The following EDA variants were observed in gnomAD, a reference collection of about 807,000 sequenced individuals.
The protein encoded by EDA is ectodysplasin A.
Under a neutral mutation model 23.6 loss-of-function variants are expected in EDA, and 2 were observed. The observed-to-expected ratio is 0.08, with a 90% CI of 0.03 to 0.27. EDA has a LOEUF of 0.27. Ranked by LOEUF, EDA falls within the 10% of genes least tolerant of loss-of-function variation. The pLI, the probability that EDA is intolerant of heterozygous loss-of-function variation, is 1.00. For missense variants in EDA, 229 were observed against 324.2 expected, an observed-to-expected ratio of 0.71 and a Z score of 2.26; for synonymous variants, 131 against 132.0, an observed-to-expected ratio of 0.99 and a Z score of 0.05.
chrX:69,940,852 TA>T (rs1283325657), intron 1 of EDA, among the ~76,000 whole-genome samples: 2 of 111,967 alleles, frequency 1.8e-5, no homozygotes, highest in Admixed American at 1.9e-4. Context: ...TTCTTTAAGA[TA>T]CATCATTAGG....
chrX:69,929,510 T>C (rs990282318), intron 1 of EDA, among the ~76,000 whole-genome samples: 2 of 109,618 alleles, frequency 1.8e-5, no homozygotes, highest in Non-Finnish European at 3.8e-5. Flanking sequence ...TAGTACCTGA[T>C]TGACATGATT....
chrX:69,935,823 G>A (rs1179828147), intron 1 of EDA, among the ~76,000 whole-genome samples: 43 of 109,274 alleles, frequency 3.9e-4, no homozygotes, highest in African/African-American at 1.4e-3. Context: ...ATGTAAAATA[G>A]ATTGCAAAGA....
intron 2 of EDA, among the ~76,000 whole-genome samples, chrX:70,006,900 G>T (rs373627389): frequency 9.0e-6 from 1 of 110,712 alleles, no homozygotes; most frequent in Non-Finnish European, 1.9e-5. Context: ...TTATGGTTTT[G>T]TGCTTTGCAT....
In EDA at chrX:69,616,217, G is replaced by A; in HGVS notation, c.-92G>A. ...CGGGTCCCTGCAGCCCCCAGCCGAT[G>A]GCAGGACAGTAGCCGCCTGTCAGAG... is the stretch of plus-strand genomic sequence containing the variant. On this transcript the variant is annotated 5_prime_UTR_variant, in exon 1 of 8. It removes an upstream start codon present in the reference 5' UTR. Coordinates refer to ENST00000374552, the MANE Select transcript of EDA (RefSeq NM_001399.5). 3 of 1,070,670 alleles carry A rather than the reference G, an allele frequency of 2.8e-6. No individual in the cohort carries two copies. Among genetic ancestry groups the A allele is most frequent in the Non-Finnish European group, 3.7e-6 (3 of 801,578 alleles). 88.2% of individuals were successfully genotyped at this position (1,070,670 alleles called of 1,213,427 possible). A position where few individuals can be genotyped will look rare whatever the true frequency, so the allele number is the denominator to read the frequency against.
intron 1 of EDA, among the ~76,000 whole-genome samples, chrX:69,880,214 G>A (rs141223170): frequency 0.011 from 1,202 of 111,156 alleles, 15 homozygotes; most frequent in African/African-American, 0.038. Flanking sequence ...TGAACAGTCA[G>A]GTTGGCAAGG....
intron 2 of EDA, among the ~76,000 whole-genome samples, chrX:70,022,053 T>C (rs1291945731): frequency 9.0e-6 from 1 of 111,373 alleles, no homozygotes; most frequent in Admixed American, 9.6e-5. Flanking sequence ...TCATGGCAGT[T>C]TGGAACAGAT....
chrX:69,655,491 T>C (rs2147248355), intron 1 of EDA, among the ~76,000 whole-genome samples: 1 of 98,993 alleles, frequency 1.0e-5, no homozygotes, highest in Non-Finnish European at 2.0e-5. Flanking sequence ...GAAGGTATCA[T>C]TACCTTCTTT....
intron 1 of EDA, among the ~76,000 whole-genome samples, chrX:69,827,716 C>T (rs377164674): frequency 9.8e-5 from 11 of 112,352 alleles, no homozygotes; most frequent in African/African-American, 2.6e-4. Flanking sequence ...AGTCATTCAA[C>T]GTCCAGCTTT....
rs191460188 is a variant in EDA at position 70,020,638 on chromosome X, T to C, written c.503-2580T>C. Among the ~76,000 whole-genome samples, 3 of 112,452 alleles carry C rather than the reference T, an allele frequency of 2.7e-5. No individual in the cohort carries two copies. The Admixed American group carries it at 2.8e-4, about 11-fold the overall frequency. ...TTTATAAATGTACATATAAATTGTT[T>C]ATAAAATGTACATATAAATTGCTTA... On this transcript the variant is annotated intron_variant, in intron 2 of 7. Transcript: ENST00000374552.
At chrX:69,833,352 G>C (rs141285995) in intron 1 of EDA, among the ~76,000 whole-genome samples, 2 of 111,527 alleles carry the variant, frequency 1.8e-5, no homozygotes, top group Non-Finnish European at 3.8e-5. Flanking sequence ...ATTGATTTGC[G>C]TATGTTGAAC....
At chrX:69,657,590 G>A (rs1329457996) in intron 1 of EDA, among the ~76,000 whole-genome samples, 1 of 111,928 alleles carries the variant, frequency 8.9e-6, no homozygotes, top group Non-Finnish European at 1.9e-5. Flanking sequence ...TTTTCTTCTA[G>A]GATTTTATAG....
At chrX:70,028,135 G>A in intron 4 of EDA, 99 bp downstream of exon 4, 2 of 1,137,040 alleles carry the variant, frequency 1.8e-6, no homozygotes, top group Admixed American at 5.7e-5. Flanking sequence ...GGTGGAGATG[G>A]GGTTGGTGTG....
intron 1 of EDA, among the ~76,000 whole-genome samples, chrX:69,832,470 T>C (rs1194192646): frequency 8.9e-6 from 1 of 112,021 alleles, no homozygotes; most frequent in Non-Finnish European, 1.9e-5. Flanking sequence ...TCAGGTAGCA[T>C]GATGCCTCCA....
chrX:69,680,974 C>T (rs1377151405), intron 1 of EDA, among the ~76,000 whole-genome samples: 1 of 107,530 alleles, frequency 9.3e-6, no homozygotes, highest in African/African-American at 3.4e-5. Flanking sequence ...TGTTCCTTTC[C>T]ATGTTTAGCG....
intron 1 of EDA, among the ~76,000 whole-genome samples, chrX:69,941,561 G>C (rs2018758163): frequency 9.0e-6 from 1 of 111,010 alleles, no homozygotes; most frequent in East Asian, 2.8e-4. Flanking sequence ...CTTTTGTCTT[G>C]AAATATATTT....
chrX:69,792,763 A>G (rs1270423410), intron 1 of EDA, among the ~76,000 whole-genome samples: 1 of 112,120 alleles, frequency 8.9e-6, no homozygotes, highest in East Asian at 2.8e-4. Flanking sequence ...GGCTGTTTGT[A>G]TATCTTCTTT....
At position 69,655,762 on chromosome X, in the gene EDA, C is replaced by CTATATATATATA. The variant is rs3077261; in HGVS notation, c.396+39072_396+39083dup. Among the ~76,000 whole-genome samples, 267 of 52,467 alleles carry CTATATATATATA rather than the reference C, an allele frequency of 5.1e-3. 28 individuals carry two copies. The highest frequency in any genetic ancestry group is 0.016 in the African/African-American group (146 of 8,927). 45.6% of individuals were successfully genotyped at this position (52,467 alleles called of 115,157 possible). ...CCACTATTATTTACATCATTAGAAT[C>CTATATATATATA]TATATATATATATATATATATATAT... On this transcript the variant is annotated intron_variant, in intron 1 of 7. Coordinates refer to ENST00000374552, the MANE Select transcript of EDA (RefSeq NM_001399.5).
chrX:69,916,326 A>G (rs1003272078), intron 1 of EDA, among the ~76,000 whole-genome samples: 2 of 111,029 alleles, frequency 1.8e-5, no homozygotes, highest in African/African-American at 6.5e-5. Context: ...TATGAATTTT[A>G]AGATAAACCA....
chrX:69,863,561 A>G (rs1033876616), intron 1 of EDA, among the ~76,000 whole-genome samples: 3 of 61,514 alleles, frequency 4.9e-5, no homozygotes, highest in African/African-American at 2.1e-4. Context: ...ATGTATATAT[A>G]TGTGTGTATA....
Sources: gnomAD v4.1 joint callset for allele counts (sites outside exome capture counted in the v4.1 genomes callset) on GRCh38, gnomAD v4.1.1 for gene constraint, MANE v1.5 for transcripts, NCBI Gene and HGNC (gene_info 2026-07-23, HGNC 2026-07-21) for gene names.